The following ANKRD28 variants were observed in gnomAD, a reference collection of about 807,000 sequenced individuals.
ANKRD28 encodes the protein ankyrin repeat domain 28.
Under a neutral mutation model 126.5 loss-of-function variants are expected in ANKRD28, and 44 were observed. That is an observed-to-expected ratio of 0.35 (90% CI 0.27 to 0.45). The LOEUF (loss-of-function observed/expected upper bound fraction) is 0.45, where lower values mean the gene tolerates loss of function less well. Among genes scored for constraint, ANKRD28 ranks in the 20% least tolerant of loss-of-function variants. The pLI is 1.00. For missense variants in ANKRD28, 1,110 were observed against 1,316.6 expected, an observed-to-expected ratio of 0.84 and a Z score of 2.43; for synonymous variants, 442 against 468.5, an observed-to-expected ratio of 0.94 and a Z score of 0.73.
intron 2 of ANKRD28, among the ~76,000 whole-genome samples, chr3:15,779,025 A>G (rs1380486309): frequency 6.6e-6 from 1 of 152,142 alleles, no homozygotes; most frequent in African/African-American, 2.4e-5. Context: ...TGAGGCCCCC[A>G]CAGCCATGCA....
At position 15,817,135 on chromosome 3, in the gene ANKRD28, C is replaced by CT. The variant is rs2060848783; in HGVS notation, c.28-21830dup. Among the ~76,000 whole-genome samples the CT allele has an allele frequency of 6.6e-6, 1 of 152,164 alleles. No homozygotes were observed. Among genetic ancestry groups the CT allele is most frequent in the African/African-American group, 2.4e-5 (1 of 41,442 alleles). The stretch of plus-strand genomic sequence containing the variant: ...GAGTGAGCATCGTTTAAGGTAGGGG[C>CT]TGTGTCTCACTCATTTCATCAGTAT... On this transcript the variant is annotated intron_variant, in intron 1 of 27. Coordinates refer to the ANKRD28 transcript ENST00000399451. This position sits in a 1 kb window ranked among gnomAD's most constrained non-coding sequence, Gnocchi z 4.5.
chr3:15,702,383 C>T (rs368196814), intron 14 of ANKRD28, among the ~76,000 whole-genome samples: 86 of 152,204 alleles, frequency 5.7e-4, no homozygotes, highest in African/African-American at 1.9e-3. Context: ...ACTCTTTTTT[C>T]TGTTTGCACA....
At chr3:15,730,578 T>C (rs1289432835) in intron 6 of ANKRD28, among the ~76,000 whole-genome samples, 2 of 152,222 alleles carry the variant, frequency 1.3e-5, no homozygotes, top group African/African-American at 4.8e-5. Context: ...GCTTGTACTT[T>C]AGGTTTGTCT....
At chr3:15,725,589 C>T (rs953346576) in intron 6 of ANKRD28, among the ~76,000 whole-genome samples, 5 of 152,084 alleles carry the variant, frequency 3.3e-5, no homozygotes, top group African/African-American at 1.2e-4. Flanking sequence ...TTTTTTCCAT[C>T]AGCATGTGTT....
intron 1 of ANKRD28, among the ~76,000 whole-genome samples, chr3:15,852,378 A>G (rs142199651): frequency 8.3e-4 from 126 of 152,292 alleles, no homozygotes; most frequent in African/African-American, 2.9e-3. Context: ...TCTTATTCTA[A>G]GTTTCTGAAT....
chr3:15,849,433 A>C (rs1424808342), intron 1 of ANKRD28, among the ~76,000 whole-genome samples: 1 of 152,236 alleles, frequency 6.6e-6, no homozygotes, highest in Non-Finnish European at 1.5e-5. Context: ...CCAAGATATA[A>C]GTCAGATTGG....
intron 6 of ANKRD28, among the ~76,000 whole-genome samples, chr3:15,731,520 G>C (rs73819146): frequency 6.6e-6 from 1 of 152,158 alleles, no homozygotes; most frequent in African/African-American, 2.4e-5. Context: ...TACGGAACTT[G>C]CTTCTGGCTA....
intron 14 of ANKRD28, among the ~76,000 whole-genome samples, chr3:15,707,193 C>A (rs1209631065): frequency 6.6e-6 from 1 of 152,022 alleles, no homozygotes; most frequent in Non-Finnish European, 1.5e-5. Context: ...CTGACCCACA[C>A]CATAGGGAAT....
intron 1 of ANKRD28, among the ~76,000 whole-genome samples, chr3:15,852,599 C>G (rs528088848): frequency 6.6e-6 from 1 of 151,618 alleles, no homozygotes; most frequent in Non-Finnish European, 1.5e-5. Context: ...TTTGGGAGGC[C>G]GAGGCGGGCG....
chr3:15,858,283 T>C (rs1248169096), intron 1 of ANKRD28, among the ~76,000 whole-genome samples: 3 of 152,212 alleles, frequency 2.0e-5, no homozygotes, highest in East Asian at 3.8e-4. Flanking sequence ...AACCGTAGTT[T>C]TTCAAAGTAT....
chr3:15,795,320 G>A lies in ANKRD28; in HGVS notation c.118-14C>T, dbSNP rs368835654. 7.0e-6 allele frequency: 11 copies of A among 1,573,396 alleles called. No homozygotes were observed. Among genetic ancestry groups the A allele is most frequent in the Non-Finnish European group, 8.7e-6 (10 of 1,143,598 alleles). On this transcript the variant is annotated splice_polypyrimidine_tract_variant and intron_variant, in intron 1 of 27. Coordinates refer to ENST00000683139, the MANE Select transcript of ANKRD28 (RefSeq NM_001349278.2). Reference sequence around the variant, plus strand: ...CACCAGTGATGGCTAAAATAGAAGAGAGTAATAAAAACATTAGAATCATCC... The same window carrying A: ...CACCAGTGATGGCTAAAATAGAAGAAAGTAATAAAAACATTAGAATCATCC...
At chr3:15,726,585 A>G (rs2074181041) in intron 6 of ANKRD28, among the ~76,000 whole-genome samples, 1 of 152,240 alleles carries the variant, frequency 6.6e-6, no homozygotes, top group Non-Finnish European at 1.5e-5. Flanking sequence ...AGGTTTAACG[A>G]AAAAAGATGT....
intron 2 of ANKRD28, among the ~76,000 whole-genome samples, chr3:15,783,073 G>T (rs1022729688): frequency 2.6e-5 from 4 of 151,448 alleles, no homozygotes; most frequent in Non-Finnish European, 5.9e-5. Context: ...ATCCATAAAA[G>T]AATTGATAAA....
In ANKRD28 at chr3:15,816,649, GCTAA is replaced by G. The variant is rs1334686783; in HGVS notation, c.28-21347_28-21344del. Among the ~76,000 whole-genome samples, 6 of 151,752 alleles carry G rather than the reference GCTAA, an allele frequency of 4.0e-5. No homozygotes were observed. Among genetic ancestry groups the G allele is most frequent in the Non-Finnish European group, 7.4e-5 (5 of 68,010 alleles). On this transcript the variant is annotated intron_variant, in intron 1 of 27. Coordinates refer to the ANKRD28 transcript ENST00000399451. This position sits in a 1 kb window ranked among gnomAD's most constrained non-coding sequence, Gnocchi z 5.0. ...TACTACACTATTTAACCCACTAGAT[GCTAA>G]CTAACAAACATTTAAGTTACATGAA...
At chr3:15,701,059 T>C (rs1209049265) in intron 14 of ANKRD28, among the ~76,000 whole-genome samples, 3 of 152,162 alleles carry the variant, frequency 2.0e-5, no homozygotes, top group Admixed American at 6.5e-5. Context: ...ATACTCCTTA[T>C]TAAAAGTTTC....
At chr3:15,710,913 T>C (rs539033843) in intron 12 of ANKRD28, among the ~76,000 whole-genome samples, 83 of 152,320 alleles carry the variant, frequency 5.4e-4, no homozygotes, top group African/African-American at 2.0e-3. Flanking sequence ...TGTTCTCATT[T>C]GAGAACATAC....
intron 4 of ANKRD28, among the ~76,000 whole-genome samples, chr3:15,748,249 T>A (rs1255646009): frequency 6.6e-6 from 1 of 152,198 alleles, no homozygotes; most frequent in Non-Finnish European, 1.5e-5. Flanking sequence ...GTTGCCTGAA[T>A]ACCTTTTTTT....
intron 4 of ANKRD28, among the ~76,000 whole-genome samples, chr3:15,738,190 T>C (rs1369426295): frequency 1.3e-5 from 2 of 152,186 alleles, no homozygotes; most frequent in East Asian, 3.9e-4. Flanking sequence ...TAATTCAAAG[T>C]GAGTCCTTTT....
intron 3 of ANKRD28, among the ~76,000 whole-genome samples, chr3:15,765,462 T>C (rs948781172): frequency 1.3e-5 from 2 of 152,132 alleles, no homozygotes; most frequent in African/African-American, 2.4e-5. Context: ...GTATTTGCTA[T>C]AAACCACCGT....
Sources: allele counts gnomAD v4.1 joint callset (sites outside exome capture counted in the v4.1 genomes callset), GRCh38; gene constraint gnomAD v4.1.1; non-coding constraint Gnocchi (gnomAD v3.1); transcripts MANE v1.5; gene names NCBI Gene and HGNC (gene_info 2026-07-23, HGNC 2026-07-21).